The following CAPN3 variants were observed in gnomAD, a reference collection of about 807,000 sequenced individuals.
The protein encoded by CAPN3 is calpain-3.
In CAPN3, 88 loss-of-function variants were observed where a neutral mutation model predicts 114.0. The observed-to-expected ratio is 0.77, with a 90% CI of 0.65 to 0.92. The LOEUF (loss-of-function observed/expected upper bound fraction) is 0.92, where lower values mean the gene tolerates loss of function less well. Among genes scored for constraint, CAPN3 ranks in the 40% least tolerant of loss-of-function variants. The pLI is 0.00. For synonymous variants in CAPN3, 386 were observed against 382.9 expected (o/e 1.01, Z -0.09); for missense variants, 1,028 against 1,069.0 (o/e 0.96, Z 0.53).
intron 6 of CAPN3, 122 bp downstream of exon 6, chr15:42,390,218 C>A (rs1445125082): frequency 5.4e-6 from 6 of 1,120,614 alleles, no homozygotes; most frequent in African/African-American, 4.6e-5. Flanking sequence ...TGGCACCTCC[C>A]AAGGGTCTGG....
At chr15:42,386,586 T>C (rs1382249786) in intron 3 of CAPN3, among the ~76,000 whole-genome samples, 1 of 152,138 alleles carries the variant, frequency 6.6e-6, no homozygotes, top group Non-Finnish European at 1.5e-5. Flanking sequence ...GCAGCCCTTC[T>C]CAAGTAGGTC....
chr15:42,406,090 G>C (rs1020466889), intron 15 of CAPN3, 147 bp downstream of exon 15: 5 of 769,672 alleles, frequency 6.5e-6, no homozygotes, highest in African/African-American at 3.4e-5. Context: ...TGCTGGGGCC[G>C]AGCGTGCAGT....
chr15:42,400,208 G>T (rs2053825936), intron 10 of CAPN3, among the ~76,000 whole-genome samples: 1 of 152,196 alleles, frequency 6.6e-6, no homozygotes, highest in Admixed American at 6.5e-5. Context: ...ACCATCCTAA[G>T]TCAGGGACTG....
intron 2 of CAPN3, chr15:42,385,529 CACAGAG>C: frequency 5.2e-6 from 2 of 382,298 alleles, no homozygotes; most frequent in Non-Finnish European, 1.0e-5. Context: ...TATATACACA[CACAGAG>C]AGAGAGAGAG....
At chr15:42,365,782 T>C (rs113032324) in intron 1 of CAPN3, among the ~76,000 whole-genome samples, 5,774 of 152,252 alleles carry the variant, frequency 0.038, 338 homozygotes, top group African/African-American at 0.12. Context: ...CCCTTAGCCC[T>C]GCTCTTCTTC....
At chr15:42,397,118 G>A (rs569412461) in intron 9 of CAPN3, among the ~76,000 whole-genome samples, 15 of 152,176 alleles carry the variant, frequency 9.9e-5, no homozygotes, top group African/African-American at 2.9e-4. Flanking sequence ...GTGCCCCTCC[G>A]CCACACACTC....
At chr15:42,402,418 C>G (rs2053898839) in intron 12 of CAPN3, 1 of 1,438,066 alleles carries the variant, frequency 7.0e-7, no homozygotes, top group Non-Finnish European at 9.1e-7. Flanking sequence ...GCCACACACA[C>G]AGTCACACAG....
intron 1 of CAPN3, among the ~76,000 whole-genome samples, chr15:42,366,836 T>TTTC (rs1555418078): frequency 7.0e-6 from 1 of 143,240 alleles, no homozygotes; most frequent in African/African-American, 2.8e-5. Flanking sequence ...TTCTTTTTTT[T>TTTC]TTTCTTTTTT....
At chr15:42,383,659 TTTA>T (rs1017690924) in intron 1 of CAPN3, among the ~76,000 whole-genome samples, 3 of 151,432 alleles carry the variant, frequency 2.0e-5, no homozygotes, top group African/African-American at 2.4e-5. Flanking sequence ...TTTTTATTAA[TTTA>T]TTATTATTAT....
intron 16 of CAPN3, 76 bp downstream of exon 16, chr15:42,408,400 C>A: frequency 1.1e-6 from 1 of 875,466 alleles, no homozygotes; most frequent in Non-Finnish European, 1.9e-6. Context: ...TACACAGGGG[C>A]TGGAGGCTTC....
In CAPN3 at chr15:42,411,696, G is replaced by GC. The variant is rs1555423388; in HGVS notation, c.2440-51_2440-50insC. On this transcript the variant is annotated intron_variant, in intron 23 of 23. Coordinates refer to ENST00000397163, the MANE Select transcript of CAPN3 (RefSeq NM_000070.3). ...CCGTAAGATTCCTAGGGCGGGGGGGGGGGGGGTCACTCTTTTCTGATCTAC... is the reference window on the plus strand; with the variant it reads ...CCGTAAGATTCCTAGGGCGGGGGGGGCGGGGGGTCACTCTTTTCTGATCTAC... 1.9e-5 allele frequency: 15 copies of GC among 803,510 alleles called. 1 individual carries two copies. In the Middle Eastern group the frequency reaches 9.8e-4, roughly 53 times the overall value. The allele number at this position is 803,510 out of a possible 1,614,324, so 49.8% of individuals were successfully genotyped here. A position where few individuals can be genotyped will look rare whatever the true frequency, so the allele number is the denominator to read the frequency against.
chr15:42,371,225 A>G (rs1034961893), intron 1 of CAPN3, among the ~76,000 whole-genome samples: 1 of 152,128 alleles, frequency 6.6e-6, no homozygotes, highest in African/African-American at 2.4e-5. Context: ...GAAGGTGCAT[A>G]TGTTTCAGTG....
chr15:42,395,065 G>A (rs28364458), intron 8 of CAPN3, among the ~76,000 whole-genome samples: 4,788 of 152,164 alleles, frequency 0.031, 114 homozygotes, highest in Middle Eastern at 0.099. Flanking sequence ...TGGGCCCCTC[G>A]GCTCCTGTAC....
intron 1 of CAPN3, among the ~76,000 whole-genome samples, chr15:42,375,011 A>ATTTG (rs2053052644): frequency 1.5e-5 from 2 of 133,472 alleles, no homozygotes; most frequent in South Asian, 4.5e-4. Context: ...TTATTTATTT[A>ATTTG]TTTATTTATT....
intron 9 of CAPN3, 44 bp downstream of exon 9, chr15:42,396,921 A>G (rs1397508121): frequency 1.4e-6 from 2 of 1,410,392 alleles, no homozygotes; most frequent in African/African-American, 2.8e-5. Context: ...AAGGGTGGGG[A>G]AGAGAGGGGA....
In CAPN3 at chr15:42,380,759, T is replaced by A. The variant is rs866862930; in HGVS notation, c.310-3724T>A. 1.6e-3 allele frequency among the ~76,000 whole-genome samples: 194 copies of A among 120,646 alleles called. 2 individuals carry two copies. The highest frequency in any genetic ancestry group is 7.2e-3 in the African/African-American group (172 of 23,860). The allele number at this position is 120,646 out of a possible 152,430, so 79.1% of individuals were successfully genotyped here. ...TATATATATATATATATATTTTTTT[T>A]TTTTTTTTTTTTGTAAAGATGGGGT... On this transcript the variant is annotated intron_variant, in intron 1 of 23. Transcript: ENST00000397163.
chr15:42,405,650 T>C (rs896448563), intron 14 of CAPN3, among the ~76,000 whole-genome samples: 13 of 152,272 alleles, frequency 8.5e-5, no homozygotes, highest in African/African-American at 2.9e-4. Context: ...AAGAAAACCT[T>C]AGCCAGAAGA....
intron 1 of CAPN3, among the ~76,000 whole-genome samples, chr15:42,365,447 C>T (rs79269514): frequency 0.038 from 5,781 of 152,256 alleles, 340 homozygotes; most frequent in African/African-American, 0.12. Context: ...TTTCTCATCG[C>T]AACCTTCTGC....
intron 1 of CAPN3, among the ~76,000 whole-genome samples, chr15:42,368,984 C>T (rs558329578): frequency 6.6e-6 from 1 of 152,242 alleles, no homozygotes; most frequent in East Asian, 1.9e-4. Flanking sequence ...AAAAATGGCT[C>T]AATAAAGACA....
Sources: allele counts gnomAD v4.1 joint callset (sites outside exome capture counted in the v4.1 genomes callset), GRCh38; gene constraint gnomAD v4.1.1; transcripts MANE v1.5; gene names NCBI Gene and HGNC (gene_info 2026-07-23, HGNC 2026-07-21).